NFATC2: variants seen among roughly 807,000 people sequenced by gnomAD.
NFATC2 encodes nuclear factor of activated T-cells, cytoplasmic 2.
In NFATC2, 22 loss-of-function variants were observed where a neutral mutation model predicts 87.3. That is an observed-to-expected ratio of 0.25 (90% confidence interval 0.18 to 0.36). The LOEUF (loss-of-function observed/expected upper bound fraction) is 0.36. Among genes scored for constraint, NFATC2 ranks in the 10% least tolerant of loss-of-function variants. The pLI is 1.00. For missense variants in NFATC2, 1,149 were observed against 1,259.1 expected (o/e 0.91, Z 1.32); for synonymous variants, 565 against 542.2 (o/e 1.04, Z -0.58).
intron 9 of NFATC2, among the ~76,000 whole-genome samples, chr20:51,404,136 T>A (rs1353601083): frequency 6.6e-6 from 1 of 152,202 alleles, no homozygotes; most frequent in Non-Finnish European, 1.5e-5. Flanking sequence ...GAATCCTGCT[T>A]GTCTGCCCAT....
chr20:51,478,892 G>A (rs1261432688), intron 3 of NFATC2, among the ~76,000 whole-genome samples: 1 of 152,122 alleles, frequency 6.6e-6, no homozygotes, highest in African/African-American at 2.4e-5. Context: ...TCTCCACCTA[G>A]AATCCTCTTC....
chr20:51,524,174 C>T lies in NFATC2; in HGVS notation c.131-64G>A. 7.5e-7 allele frequency: 1 copy of T among 1,340,456 alleles called. No homozygotes were observed. Among genetic ancestry groups the T allele is most frequent in the Non-Finnish European group, 9.7e-7 (1 of 1,026,398 alleles). 83.0% of individuals were successfully genotyped at this position (1,340,456 alleles called of 1,614,324 possible). A position where few individuals can be genotyped will look rare whatever the true frequency, so the allele number is the denominator to read the frequency against. ...CAAAAACAGAACTCCCGGTGCAGAGCAATCACAGGCTGGATTTCGTCTCAC... is the reference window on the plus strand; with the variant it reads ...CAAAAACAGAACTCCCGGTGCAGAGTAATCACAGGCTGGATTTCGTCTCAC... On this transcript the variant is annotated intron_variant, in intron 1 of 10. Coordinates refer to ENST00000371564, the MANE Select transcript of NFATC2 (RefSeq NM_012340.5). This position sits in a 1 kb window ranked among gnomAD's most constrained non-coding sequence, Gnocchi z 4.0.
chr20:51,398,363 G>A (rs764661079), intron 10 of NFATC2, among the ~76,000 whole-genome samples: 28 of 152,152 alleles, frequency 1.8e-4, no homozygotes, highest in East Asian at 1.3e-3. Context: ...CTCCAAAGAC[G>A]TTGCTGCATT....
chr20:51,555,555 T>C lies in NFATC2; in HGVS notation c.70+7005A>G, dbSNP rs917682887. On this transcript the variant is annotated intron_variant, in intron 1 of 10. Coordinates refer to the NFATC2 transcript ENST00000414705. ...TTACAGTAAGCTGAGATTGCCGCCA[T>C]TGCACTCCAGCCTGGGCGACAGAGT... Among the ~76,000 whole-genome samples, 24 of 151,900 alleles carry C rather than the reference T, an allele frequency of 1.6e-4. 1 individual carries two copies. The highest frequency in any genetic ancestry group is 5.9e-4 in the Admixed American group (9 of 15,252).
At chr20:51,557,030 C>T (rs2076984534) in intron 1 of NFATC2, among the ~76,000 whole-genome samples, 1 of 152,154 alleles carries the variant, frequency 6.6e-6, no homozygotes, top group South Asian at 2.1e-4. Context: ...GCTGAATAGT[C>T]CTGCTGCAGG....
chr20:51,504,469 A>C (rs982395015), intron 3 of NFATC2, among the ~76,000 whole-genome samples: 7 of 152,194 alleles, frequency 4.6e-5, no homozygotes, highest in African/African-American at 1.7e-4. Flanking sequence ...CTAGAGCAAC[A>C]ATGAGAGCCC....
intron 1 of NFATC2, among the ~76,000 whole-genome samples, chr20:51,526,786 G>T (rs1002605372): frequency 6.6e-6 from 1 of 152,026 alleles, no homozygotes; most frequent in Non-Finnish European, 1.5e-5. Flanking sequence ...CAGCTCTTAG[G>T]TAAAAATAAA....
rs1478833978 is a variant in NFATC2 at position 51,388,862 on chromosome 20, T to C, written c.*2634A>G. The stretch of plus-strand genomic sequence containing the variant: ...ACGTGCAACACACCCATCTTTACCA[T>C]TTAGACACCCCTACTTTCTCATTCT... On this transcript the variant is annotated 3_prime_UTR_variant, in exon 11 of 11. Coordinates refer to ENST00000371564, the MANE Select transcript of NFATC2 (RefSeq NM_012340.5). 2.0e-5 allele frequency: 3 copies of C among 152,186 alleles called. No homozygotes were observed. Among genetic ancestry groups the C allele is most frequent in the Non-Finnish European group, 4.4e-5 (3 of 68,036 alleles). The allele number at this position is 152,186 out of a possible 1,614,324, so 9.4% of individuals were successfully genotyped here.
intron 1 of NFATC2, among the ~76,000 whole-genome samples, chr20:51,532,636 G>A (rs749755434): frequency 1.5e-4 from 23 of 152,204 alleles, no homozygotes; most frequent in Non-Finnish European, 3.1e-4. Flanking sequence ...GCTCACCCTC[G>A]CAGACGGACA....
At chr20:51,417,913 T>C (rs1031828919) in intron 9 of NFATC2, among the ~76,000 whole-genome samples, 1 of 152,196 alleles carries the variant, frequency 6.6e-6, no homozygotes, top group African/African-American at 2.4e-5. Flanking sequence ...GGAGGCGGCA[T>C]CCACATCACA....
chr20:51,537,180 G>C (rs1192426541), intron 1 of NFATC2, among the ~76,000 whole-genome samples: 2 of 151,230 alleles, frequency 1.3e-5, no homozygotes, highest in Non-Finnish European at 2.9e-5. Context: ...GGGTCTGTGA[G>C]TGCTGAGAAA....
At chr20:51,395,628 AG>A (rs1986961121) in intron 10 of NFATC2, among the ~76,000 whole-genome samples, 1 of 151,492 alleles carries the variant, frequency 6.6e-6, no homozygotes. Context: ...AGACTGATGG[AG>A]AATGATCTCA....
chr20:51,474,165 T>G lies in NFATC2; in HGVS notation c.1536-13A>C. 3 of 1,613,144 alleles carry G rather than the reference T, an allele frequency of 1.9e-6. No individual in the cohort carries two copies. Among genetic ancestry groups the G allele is most frequent in the Non-Finnish European group, 2.5e-6 (3 of 1,179,246 alleles). On this transcript the variant is annotated splice_polypyrimidine_tract_variant and intron_variant, in intron 4 of 10. Transcript: ENST00000371564. Reference sequence around the variant, plus strand: ...CGCACAGTCGATGCTGCCAGGATGTTAAGAACCCCATTGTCACCAACTACC... The same window carrying G: ...CGCACAGTCGATGCTGCCAGGATGTGAAGAACCCCATTGTCACCAACTACC...
intron 10 of NFATC2, among the ~76,000 whole-genome samples, chr20:51,395,709 C>T (rs913456433): frequency 6.6e-6 from 1 of 151,874 alleles, no homozygotes; most frequent in African/African-American, 2.4e-5. Flanking sequence ...ACGCACAAAA[C>T]ATGCTGTAAC....
intron 5 of NFATC2, among the ~76,000 whole-genome samples, chr20:51,461,029 G>A (rs1205606732): frequency 2.6e-5 from 4 of 152,218 alleles, no homozygotes; most frequent in East Asian, 1.9e-4. Flanking sequence ...ACCTGAGGAC[G>A]GGGAACTCCT....
chr20:51,440,498 C>T (rs1049577789), intron 6 of NFATC2, among the ~76,000 whole-genome samples: 4 of 152,198 alleles, frequency 2.6e-5, no homozygotes, highest in Admixed American at 2.0e-4. Context: ...TGGGAGACTG[C>T]AGCATGGTGC....
At chr20:51,467,106 C>G (rs1987768929) in intron 5 of NFATC2, among the ~76,000 whole-genome samples, 1 of 149,950 alleles carries the variant, frequency 6.7e-6, no homozygotes, top group Non-Finnish European at 1.5e-5. Context: ...AAGACATTAC[C>G]TGAAAATAAA....
intron 5 of NFATC2, among the ~76,000 whole-genome samples, chr20:51,456,817 G>C (rs969589607): frequency 2.0e-5 from 3 of 152,238 alleles, no homozygotes; most frequent in Non-Finnish European, 4.4e-5. Flanking sequence ...GGGCCTCCAG[G>C]CCACTGGCAT....
intron 3 of NFATC2, among the ~76,000 whole-genome samples, chr20:51,491,835 T>G (rs1045797982): frequency 1.3e-5 from 2 of 150,174 alleles, no homozygotes; most frequent in Non-Finnish European, 3.0e-5. Context: ...TCACATCTGC[T>G]CGTTGAGAAC....
Sources: gnomAD v4.1 joint callset for allele counts (sites outside exome capture counted in the v4.1 genomes callset) on GRCh38, gnomAD v4.1.1 for gene constraint, Gnocchi (gnomAD v3.1) non-coding constraint, MANE v1.5 for transcripts, NCBI Gene and HGNC (gene_info 2026-07-23, HGNC 2026-07-21) for gene names.